The following KIRREL3 variants were observed in gnomAD, a reference collection of about 807,000 sequenced individuals.
KIRREL3 encodes the protein kin of IRRE-like protein 3.
KIRREL3 carries 36 observed loss-of-function variants against 89.7 expected under a neutral mutation model. That is an observed-to-expected ratio of 0.40 (90% CI 0.31 to 0.53). The LOEUF is 0.53. Among genes scored for constraint, KIRREL3 ranks in the 20% least tolerant of loss-of-function variants. The probability of loss-of-function intolerance (pLI) is 0.49; values close to 1 mark genes in which losing one functional copy is unlikely to be tolerated. For synonymous variants in KIRREL3, 445 were observed against 441.4 expected (o/e 1.01, Z -0.10); for missense variants, 864 against 1,056.6 (o/e 0.82, Z 2.53).
At position 126,501,263 on chromosome 11, in the gene KIRREL3, C is replaced by T. The variant is rs986362371; in HGVS notation, c.433+20052G>A. 2.6e-5 allele frequency among the ~76,000 whole-genome samples: 4 copies of T among 152,234 alleles called. No individual in the cohort carries two copies. Among genetic ancestry groups the T allele is most frequent in the Admixed American group, 1.3e-4 (2 of 15,284 alleles). On this transcript the variant is annotated intron_variant, in intron 4 of 16. Coordinates refer to ENST00000525144, the MANE Select transcript of KIRREL3 (RefSeq NM_032531.4). The surrounding 1 kb of genome is among the most constrained non-coding windows in gnomAD (Gnocchi z 5.8). ...GAACCCAGGCAAACCCAGGAGTCAG[C>T]CTGGCTCTGGCCCTAGCTTGAACGC...
chr11:126,817,185 C>T lies in KIRREL3; in HGVS notation c.55+183270G>A, dbSNP rs1481650201. On this transcript the variant is annotated intron_variant, in intron 1 of 16. Coordinates refer to ENST00000525144, the MANE Select transcript of KIRREL3 (RefSeq NM_032531.4). The surrounding 1 kb of genome is among the most constrained non-coding windows in gnomAD (Gnocchi z 5.7). ...CAAAAAAGCCAAGTGTATAAAACAG[C>T]TCATCTAAGACCAGAGGAGGCAGAG... 2.6e-5 allele frequency among the ~76,000 whole-genome samples: 4 copies of T among 152,178 alleles called. No homozygotes were observed. The highest frequency in any genetic ancestry group is 5.9e-5 in the Non-Finnish European group (4 of 68,042).
chr11:126,903,413 A>G lies in KIRREL3; in HGVS notation c.55+97042T>C, dbSNP rs187203455. The stretch of plus-strand genomic sequence containing the variant: ...GATACAGTGTCTGTGGCAATGTTTA[A>G]TTAGAGATTAAAATTGAGGAATTGA... On this transcript the variant is annotated intron_variant, in intron 1 of 16. Coordinates refer to ENST00000525144, the MANE Select transcript of KIRREL3 (RefSeq NM_032531.4). The surrounding 1 kb of genome is among the most constrained non-coding windows in gnomAD (Gnocchi z 4.5). 6.6e-6 allele frequency among the ~76,000 whole-genome samples: 1 copy of G among 152,178 alleles called. No individual in the cohort carries two copies. Among genetic ancestry groups the G allele is most frequent in the Admixed American group, 6.6e-5 (1 of 15,260 alleles).
At chr11:126,584,796 C>A (rs1941738074) in intron 1 of KIRREL3, among the ~76,000 whole-genome samples, 1 of 152,216 alleles carries the variant, frequency 6.6e-6, no homozygotes, top group Non-Finnish European at 1.5e-5. Flanking sequence ...TGTCAACAGG[C>A]CACAACCCCA....
upstream of KIRREL3, among the ~76,000 whole-genome samples, chr11:127,002,108 C>A (rs991593537): frequency 2.0e-5 from 3 of 152,036 alleles, no homozygotes; most frequent in Non-Finnish European, 2.9e-5. Context: ...AGTTTCCATG[C>A]GGATGTTAAC....
upstream of KIRREL3, among the ~76,000 whole-genome samples, chr11:127,002,357 G>A (rs2135313947): frequency 6.6e-6 from 1 of 152,324 alleles, no homozygotes. Context: ...AAACAGAAAT[G>A]TTGAGCAACA....
Position 126,807,137 on chromosome 11 carries a change from AG to A in KIRREL3, c.55+193317del. ...ACTATCTTTTTCCAAGTTCCCAAGCAGGTTTGGGAGTAGGACGTGGTCTGGG... is the reference window on the plus strand; with the variant it reads ...ACTATCTTTTTCCAAGTTCCCAAGCAGTTTGGGAGTAGGACGTGGTCTGGG... On this transcript the variant is annotated intron_variant, in intron 1 of 16. Transcript: ENST00000525144. This position sits in a 1 kb window ranked among gnomAD's most constrained non-coding sequence, Gnocchi z 4.3. Among the ~76,000 whole-genome samples the A allele has an allele frequency of 6.6e-6, 1 of 152,218 alleles. No homozygotes were observed. Among genetic ancestry groups the A allele is most frequent in the African/African-American group, 2.4e-5 (1 of 41,456 alleles).
Position 126,541,531 on chromosome 11 carries a change from A to G in KIRREL3, c.134-14844T>C, listed in dbSNP as rs896961726. Reference sequence around the variant, plus strand: ...AACATTAAAAAAAGTAAACAAAATAATCATTTATGCTGCTATAGCCTTGTC... The same window carrying G: ...AACATTAAAAAAAGTAAACAAAATAGTCATTTATGCTGCTATAGCCTTGTC... On this transcript the variant is annotated intron_variant, in intron 2 of 16. Coordinates refer to ENST00000525144, the MANE Select transcript of KIRREL3 (RefSeq NM_032531.4). This position sits in a 1 kb window ranked among gnomAD's most constrained non-coding sequence, Gnocchi z 4.8. 6.6e-6 allele frequency among the ~76,000 whole-genome samples: 1 copy of G among 152,146 alleles called. No individual in the cohort carries two copies. Among genetic ancestry groups the G allele is most frequent in the African/African-American group, 2.4e-5 (1 of 41,432 alleles).
chr11:126,762,627 C>T (rs540166724), intron 1 of KIRREL3, among the ~76,000 whole-genome samples: 1 of 152,172 alleles, frequency 6.6e-6, no homozygotes, highest in South Asian at 2.1e-4. Flanking sequence ...GCTGGAGCAA[C>T]CCTTGTGGAC....
chr11:126,925,220 G>T (rs544430332), intron 1 of KIRREL3, among the ~76,000 whole-genome samples: 18 of 152,064 alleles, frequency 1.2e-4, no homozygotes, highest in Admixed American at 4.6e-4. Flanking sequence ...TAACAGAAAG[G>T]TTCCCTTCCC....
chr11:126,754,539 T>C lies in KIRREL3; in HGVS notation c.56-191627A>G, dbSNP rs1023668689. Among the ~76,000 whole-genome samples the C allele has an allele frequency of 6.6e-6, 1 of 152,106 alleles. No homozygotes were observed. Among genetic ancestry groups the C allele is most frequent in the Admixed American group, 6.6e-5 (1 of 15,262 alleles). The stretch of plus-strand genomic sequence containing the variant: ...TGGTTTAAGGCCTACAAACTGCATG[T>C]CTTTGCTAGATACCGCTGAAGGGGA... On this transcript the variant is annotated intron_variant, in intron 1 of 16. Transcript: ENST00000525144. The surrounding 1 kb of genome is among the most constrained non-coding windows in gnomAD (Gnocchi z 5.1).
rs1947607486 is a variant in KIRREL3, at chr11:126,708,061, A to ATCT, written c.56-145152_56-145150dup. ...CTCCGCATCCCTGAAGCAGGTGATG[A>ATCT]TCTCCATAGGTCCCAGGGTATCCGT... is the stretch of plus-strand genomic sequence containing the variant. On this transcript the variant is annotated intron_variant, in intron 1 of 16. Transcript: ENST00000525144. This position sits in a 1 kb window ranked among gnomAD's most constrained non-coding sequence, Gnocchi z 5.7. Among the ~76,000 whole-genome samples, 1 of 152,096 alleles carries ATCT rather than the reference A, an allele frequency of 6.6e-6. No homozygotes were observed. The highest frequency in any genetic ancestry group is 1.5e-5 in the Non-Finnish European group (1 of 68,020).
chr11:126,867,853 A>C lies in KIRREL3; in HGVS notation c.55+132602T>G, dbSNP rs2134651724. Among the ~76,000 whole-genome samples the C allele has an allele frequency of 6.6e-6, 1 of 152,274 alleles. No homozygotes were observed. The highest frequency in any genetic ancestry group is 1.9e-4 in the East Asian group (1 of 5,172). On this transcript the variant is annotated intron_variant, in intron 1 of 16. Coordinates refer to ENST00000525144, the MANE Select transcript of KIRREL3 (RefSeq NM_032531.4). The surrounding 1 kb of genome is among the most constrained non-coding windows in gnomAD (Gnocchi z 4.7). ...TTTTTAGGTTTGAGTTTAGTTCTGC[A>C]ATAAAACTGTGGACTCCCCACGGAT...
chr11:126,964,040 C>T (rs1409051558), intron 1 of KIRREL3, among the ~76,000 whole-genome samples: 1 of 152,122 alleles, frequency 6.6e-6, no homozygotes, highest in African/African-American at 2.4e-5. Flanking sequence ...TGCAAGGGAC[C>T]TATCTCATGA....
At position 126,976,061 on chromosome 11, in the gene KIRREL3, G is replaced by A. The variant is rs191878354; in HGVS notation, c.55+24394C>T. ...TCCAGATGTGGGTCACATCAGCAGA[G>A]GGTGCCATGGGGGTGTTAGCATCTT... On this transcript the variant is annotated intron_variant, in intron 1 of 16. Coordinates refer to ENST00000525144, the MANE Select transcript of KIRREL3 (RefSeq NM_032531.4). The surrounding 1 kb of genome is among the most constrained non-coding windows in gnomAD (Gnocchi z 4.2). Among the ~76,000 whole-genome samples the A allele has an allele frequency of 3.8e-4, 57 of 151,842 alleles. No individual in the cohort carries two copies. The highest frequency in any genetic ancestry group is 1.2e-3 in the Admixed American group (19 of 15,264).
At chr11:126,785,231 G>C (rs114927247) in intron 1 of KIRREL3, among the ~76,000 whole-genome samples, 5,535 of 152,224 alleles carry the variant, frequency 0.036, 329 homozygotes, top group African/African-American at 0.12. Context: ...TACACGTGGC[G>C]TGGTGACAGC....
chr11:126,727,754 C>T (rs902659635), intron 1 of KIRREL3, among the ~76,000 whole-genome samples: 6 of 152,186 alleles, frequency 3.9e-5, no homozygotes, highest in East Asian at 3.8e-4. Context: ...ACAATTGCTA[C>T]GGAAACGCTG....
intron 1 of KIRREL3, among the ~76,000 whole-genome samples, chr11:126,672,077 A>G (rs1425765467): frequency 6.6e-6 from 1 of 152,272 alleles, no homozygotes; most frequent in Non-Finnish European, 1.5e-5. Flanking sequence ...TAAATACACA[A>G]TTAAGCTATA....
chr11:126,714,051 G>A (rs996221655), intron 1 of KIRREL3, among the ~76,000 whole-genome samples: 5 of 152,078 alleles, frequency 3.3e-5, no homozygotes, highest in Admixed American at 2.0e-4. Context: ...GCATCACATA[G>A]GGCCAGGGCT....
rs80003887 is a variant in KIRREL3, at chr11:126,435,681, A to C, written c.1553-378T>G. Among the ~76,000 whole-genome samples, 846 of 152,326 alleles carry C rather than the reference A, an allele frequency of 5.6e-3. 21 individuals are homozygous for C. The highest frequency in any genetic ancestry group is 0.045 in the East Asian group (233 of 5,184). On this transcript the variant is annotated intron_variant, in intron 12 of 16. Coordinates refer to ENST00000525144, the MANE Select transcript of KIRREL3 (RefSeq NM_032531.4). The stretch of plus-strand genomic sequence containing the variant: ...GCAAATTATGTGCAAAGCATTATGC[A>C]AAGCAGCACCTATTAGGGAAGAGGT...
Sources: allele counts gnomAD v4.1 joint callset (sites outside exome capture counted in the v4.1 genomes callset), GRCh38; gene constraint gnomAD v4.1.1; non-coding constraint Gnocchi (gnomAD v3.1); transcripts MANE v1.5; gene names NCBI Gene and HGNC (gene_info 2026-07-23, HGNC 2026-07-21).